Variants in GRID2 observed in about 807,000 individuals in gnomAD.
The protein encoded by GRID2 is glutamate ionotropic receptor delta type subunit 2.
A neutral mutation model predicts 114.8 loss-of-function variants in GRID2; 33 were observed. That is an observed-to-expected ratio of 0.29 (90% CI 0.22 to 0.38). The LOEUF is 0.38. Among genes scored for constraint, GRID2 ranks in the 10% least tolerant of loss-of-function variants. The pLI is 1.00. For missense variants in GRID2, 1,184 were observed against 1,257.7 expected, an observed-to-expected ratio of 0.94 and a Z score of 0.89; for synonymous variants, 505 against 449.9, an observed-to-expected ratio of 1.12 and a Z score of -1.55.
In GRID2 at chr4:92,369,151, T is replaced by C. The variant is rs1729003906; in HGVS notation, c.88+64407T>C. ...TTCACAAAAATATAGCTAATGATAATAAATATATGAAATATATTATTTTTT... is the reference window on the plus strand; with the variant it reads ...TTCACAAAAATATAGCTAATGATAACAAATATATGAAATATATTATTTTTT... On this transcript the variant is annotated intron_variant, in intron 1 of 15. Coordinates refer to ENST00000282020, the MANE Select transcript of GRID2 (RefSeq NM_001510.4). Among the ~76,000 whole-genome samples, 2 of 152,018 alleles carry C rather than the reference T, an allele frequency of 1.3e-5. 1 individual carries two copies. Among genetic ancestry groups the C allele is most frequent in the South Asian group, 4.1e-4 (2 of 4,826 alleles).
chr4:93,151,588 A>G (rs1736744901), intron 4 of GRID2, among the ~76,000 whole-genome samples: 1 of 152,174 alleles, frequency 6.6e-6, no homozygotes, highest in Non-Finnish European at 1.5e-5. Context: ...TATAGCTGTG[A>G]CACTTACAAA....
At chr4:93,439,214 G>A (rs1054298788) in intron 10 of GRID2, among the ~76,000 whole-genome samples, 4 of 151,968 alleles carry the variant, frequency 2.6e-5, no homozygotes, top group African/African-American at 9.7e-5. Context: ...GTGATGGCTG[G>A]GTCAAATGGT....
intron 2 of GRID2, among the ~76,000 whole-genome samples, chr4:92,931,623 T>TAC (rs375152274): frequency 0.028 from 4,113 of 144,834 alleles, 70 homozygotes; most frequent in African/African-American, 0.042. Flanking sequence ...AGATAGAAGA[T>TAC]ACACACACAC....
chr4:93,324,996 T>A (rs562955637), intron 8 of GRID2, among the ~76,000 whole-genome samples: 1 of 152,312 alleles, frequency 6.6e-6, no homozygotes, highest in East Asian at 1.9e-4. Context: ...AGCTTCTGGA[T>A]TCATTGATTT....
At chr4:92,846,804 C>T (rs1743358940) in intron 2 of GRID2, among the ~76,000 whole-genome samples, 1 of 152,082 alleles carries the variant, frequency 6.6e-6, no homozygotes, top group Non-Finnish European at 1.5e-5. Flanking sequence ...AAAGAGAGCT[C>T]ATTTTTATTG....
intron 1 of GRID2, among the ~76,000 whole-genome samples, chr4:92,575,919 C>A (rs1455304129): frequency 6.6e-6 from 1 of 152,208 alleles, no homozygotes; most frequent in Non-Finnish European, 1.5e-5. Context: ...CTGGGAGGAC[C>A]CTCCCATGAG....
chr4:93,738,618 G>C (rs1731122015), intron 14 of GRID2, among the ~76,000 whole-genome samples: 2 of 152,096 alleles, frequency 1.3e-5, no homozygotes, highest in Admixed American at 6.6e-5. Context: ...TCTAAATTAA[G>C]TGACTAGGTG....
intron 4 of GRID2, among the ~76,000 whole-genome samples, chr4:93,123,534 G>A (rs1733983820): frequency 6.6e-6 from 1 of 152,082 alleles, no homozygotes; most frequent in Non-Finnish European, 1.5e-5. Context: ...ATAATGAATG[G>A]TATATGATTC....
chr4:92,941,687 C>T (rs767610821), intron 2 of GRID2, among the ~76,000 whole-genome samples: 6 of 152,130 alleles, frequency 3.9e-5, no homozygotes, highest in East Asian at 1.9e-4. Flanking sequence ...ATCTTTCCTG[C>T]TTTCTCTTGT....
chr4:92,414,486 T>C (rs1731492938), intron 1 of GRID2, among the ~76,000 whole-genome samples: 1 of 152,150 alleles, frequency 6.6e-6, no homozygotes, highest in Non-Finnish European at 1.5e-5. Context: ...TTAACATTTT[T>C]CAGATGATAG....
chr4:92,971,102 T>C (rs1753486189), intron 2 of GRID2, among the ~76,000 whole-genome samples: 1 of 151,898 alleles, frequency 6.6e-6, no homozygotes, highest in South Asian at 2.1e-4. Flanking sequence ...CCTCAAAATG[T>C]TGGGATTACA....
intron 2 of GRID2, among the ~76,000 whole-genome samples, chr4:92,895,620 T>C (rs552645543): frequency 6.6e-6 from 1 of 151,842 alleles, no homozygotes; most frequent in Non-Finnish European, 1.5e-5. Flanking sequence ...GCTTAAAAAA[T>C]ATTAAAATAG....
At chr4:92,358,138 A>G (rs1357960248) in intron 1 of GRID2, among the ~76,000 whole-genome samples, 3 of 151,472 alleles carry the variant, frequency 2.0e-5, no homozygotes, top group East Asian at 1.9e-4. Context: ...GAGAGGCATG[A>G]TGGGTTCCAG....
At chr4:92,839,525 AAAAACTTTTTAAAG>A (rs1323630624) in intron 2 of GRID2, among the ~76,000 whole-genome samples, 1 of 148,850 alleles carries the variant, frequency 6.7e-6, no homozygotes, top group Non-Finnish European at 1.5e-5. Context: ...AGTTTTCTTT[AAAAACTTTTTAAAG>A]AAAAGTTTTT....
At chr4:92,744,634 T>A (rs1270588798) in intron 2 of GRID2, among the ~76,000 whole-genome samples, 2 of 152,134 alleles carry the variant, frequency 1.3e-5, no homozygotes, top group Non-Finnish European at 2.9e-5. Flanking sequence ...GTACACCCAC[T>A]GCCCTAGAAA....
intron 2 of GRID2, among the ~76,000 whole-genome samples, chr4:92,991,437 T>A (rs932758774): frequency 6.6e-6 from 1 of 152,212 alleles, no homozygotes; most frequent in Non-Finnish European, 1.5e-5. Flanking sequence ...GTAAATGAGA[T>A]ATCATTATCT....
intron 2 of GRID2, among the ~76,000 whole-genome samples, chr4:92,934,296 T>C (rs537952299): frequency 1.3e-5 from 2 of 151,904 alleles, no homozygotes; most frequent in African/African-American, 2.4e-5. Context: ...TTTGAAGCAA[T>C]TGGGAATGGG....
chr4:92,606,336 A>T (rs7670866), intron 2 of GRID2, among the ~76,000 whole-genome samples: 8,861 of 152,078 alleles, frequency 0.058, 289 homozygotes, highest in East Asian at 0.12. Flanking sequence ...TTAGCGTTTT[A>T]CAGATGAAGA....
intron 14 of GRID2, among the ~76,000 whole-genome samples, chr4:93,766,348 G>A (rs28578917): frequency 0.07 from 10,589 of 152,188 alleles, 380 homozygotes; most frequent in Admixed American, 0.077. Flanking sequence ...ACAAGGCAGC[G>A]GGAGAGAGAA....
Sources: allele counts gnomAD v4.1 joint callset (sites outside exome capture counted in the v4.1 genomes callset), GRCh38; gene constraint gnomAD v4.1.1; transcripts MANE v1.5; gene names NCBI Gene and HGNC (gene_info 2026-07-23, HGNC 2026-07-21).